The following PLEKHG4B variants were observed in gnomAD, a reference collection of about 807,000 sequenced individuals.
The protein encoded by PLEKHG4B is pleckstrin homology domain-containing family G member 4B.
PLEKHG4B carries 111 observed loss-of-function variants against 121.3 expected under a neutral mutation model. The ratio of observed to expected loss-of-function variants is 0.92; its 90% CI spans 0.78 to 1.07. The LOEUF is 1.07. Ranked by LOEUF, PLEKHG4B falls within the 50% of genes least tolerant of loss-of-function variation. The pLI, the probability that PLEKHG4B is intolerant of heterozygous loss-of-function variation, is 0.00. For synonymous variants in PLEKHG4B, 738 were observed against 725.0 expected (o/e 1.02, Z -0.29); for missense variants, 1,831 against 1,757.8 (o/e 1.04, Z -0.74).
intron 1 of PLEKHG4B, among the ~76,000 whole-genome samples, chr5:102,629 A>C (rs1160964833): frequency 6.6e-6 from 1 of 152,160 alleles, no homozygotes; most frequent in Non-Finnish European, 1.5e-5. Context: ...AGCTCCCTGA[A>C]GCCTCCCCAG....
chr5:100,809 GCC>G (rs1733782597), intron 1 of PLEKHG4B, among the ~76,000 whole-genome samples: 1 of 118,912 alleles, frequency 8.4e-6, no homozygotes. Flanking sequence ...TCCATATAAA[GCC>G]CTGGGAAAAG....
At chr5:149,982 G>A (rs11741178) in intron 6 of PLEKHG4B, among the ~76,000 whole-genome samples, 9,460 of 152,174 alleles carry the variant, frequency 0.062, 438 homozygotes, top group Non-Finnish European at 0.09. Flanking sequence ...AGTAAATATA[G>A]GATTACCATA....
At chr5:169,197 CA>C in intron 13 of PLEKHG4B, 142 bp from the exon 14 acceptor site, 1 of 1,156,980 alleles carries the variant, frequency 8.6e-7, no homozygotes, top group Admixed American at 2.4e-5. Context: ...TCGTGCATCC[CA>C]CATGTGCCCA....
rs762806335 is a variant in PLEKHG4B, at chr5:181,537, T to A, written c.4426T>A (p.Ser1476Thr). 192 of 1,613,568 alleles carry A rather than the reference T, an allele frequency of 1.2e-4. No individual in the cohort carries two copies. Among genetic ancestry groups the A allele is most frequent in the Non-Finnish European group, 1.6e-4 (183 of 1,179,812 alleles). Residue 1476 changes from serine (S) to threonine (T), a missense_variant, in exon 19 of 20, where the codon TCC (serine) becomes ACC (threonine). Transcript: ENST00000637938. ...AGAACTCAGAATCCAAGAAATGGCA[T>A]CCATGGGTATAGGCAACCAGCCATT... ...SRELRIQEMA[S>T]MGIGNQPFMD...
chr5:128,416 C>A (rs189842805), intron 2 of PLEKHG4B, among the ~76,000 whole-genome samples: 11 of 152,120 alleles, frequency 7.2e-5, no homozygotes, highest in Admixed American at 4.6e-4. Context: ...CTCCCCAGAC[C>A]CCTCAGATAG....
chr5:157,104 T>A lies in PLEKHG4B; in HGVS notation c.2487+193T>A. Reference sequence around the variant, plus strand: ...TAAATTTTATTTTTTACGTGAGAGATACTGGATCAGTGGAGAAAAAAAATT... The same window carrying A: ...TAAATTTTATTTTTTACGTGAGAGAAACTGGATCAGTGGAGAAAAAAAATT... On this transcript the variant is annotated intron_variant, in intron 11 of 19. Transcript: ENST00000637938. The surrounding 1 kb of genome is among the most constrained non-coding windows in gnomAD (Gnocchi z 4.6). The A allele has an allele frequency of 1.2e-6, 1 of 849,934 alleles. No individual in the cohort carries two copies. The highest frequency in any genetic ancestry group is 1.8e-6 in the Non-Finnish European group (1 of 553,884). 52.6% of individuals were successfully genotyped at this position (849,934 alleles called of 1,614,324 possible). A position where few individuals can be genotyped will look rare whatever the true frequency, so the allele number is the denominator to read the frequency against.
intron 2 of PLEKHG4B, among the ~76,000 whole-genome samples, chr5:134,076 A>AATATATATAT (rs67940117): frequency 3.5e-4 from 14 of 40,292 alleles, no homozygotes; most frequent in East Asian, 1.2e-3. Context: ...TATATGATAG[A>AATATATATAT]ATATATATAT....
chr5:117,070 C>T (rs553722764), intron 2 of PLEKHG4B, among the ~76,000 whole-genome samples: 17 of 152,254 alleles, frequency 1.1e-4, no homozygotes, highest in African/African-American at 3.9e-4. Context: ...CCATCCCTCT[C>T]CCAACCTACA....
intron 2 of PLEKHG4B, among the ~76,000 whole-genome samples, chr5:116,852 G>A (rs1734321370): frequency 6.6e-6 from 1 of 152,222 alleles, no homozygotes; most frequent in South Asian, 2.1e-4. Context: ...CCTTATGTGA[G>A]GTGGTCTGTT....
At chr5:96,590 A>G (rs1733632941) in intron 1 of PLEKHG4B, among the ~76,000 whole-genome samples, 1 of 152,178 alleles carries the variant, frequency 6.6e-6, no homozygotes, top group Admixed American at 6.5e-5. Context: ...ATTGTTGAGA[A>G]AGATTAAAGA....
At chr5:102,356 C>T (rs1205286089) in intron 1 of PLEKHG4B, among the ~76,000 whole-genome samples, 1 of 151,874 alleles carries the variant, frequency 6.6e-6, no homozygotes, top group Non-Finnish European at 1.5e-5. Context: ...AATGGAAGTA[C>T]TGCTACCAAA....
chr5:160,705 A>C (rs1000875906), intron 11 of PLEKHG4B, among the ~76,000 whole-genome samples: 1 of 152,080 alleles, frequency 6.6e-6, no homozygotes, highest in African/African-American at 2.4e-5. Flanking sequence ...AAGTTATAGA[A>C]TTATTAGTGT....
At chr5:166,661 C>G (rs1350725684) in intron 13 of PLEKHG4B, among the ~76,000 whole-genome samples, 1 of 152,116 alleles carries the variant, frequency 6.6e-6, no homozygotes, top group Non-Finnish European at 1.5e-5. Context: ...GGCCTGGTTC[C>G]TAATAGGCCA....
In PLEKHG4B at chr5:182,020, G is replaced by T; in HGVS notation, c.4581G>T (p.Gly1527=). ...IVKGTESQMR[G]STAVSSSDHA... ...CCTTTCCAGAGTCACAAATGAGAGG[G>T]TCCACAGCGGTGTCCTCCTCTGACC... The change falls in exon 20 of 20, where the codon GGG becomes GGT. Residue 1527 remains glycine, a synonymous_variant. Coordinates refer to ENST00000637938, the MANE Select transcript of PLEKHG4B (RefSeq NM_052909.5). 1 of 1,613,980 alleles carries T rather than the reference G, an allele frequency of 6.2e-7. No homozygotes were observed. Among genetic ancestry groups the T allele is most frequent in the Non-Finnish European group, 8.5e-7 (1 of 1,179,898 alleles).
At chr5:142,968 A>G (rs915190178) in intron 3 of PLEKHG4B, 79 bp from the exon 4 acceptor site, 12 of 1,368,974 alleles carry the variant, frequency 8.8e-6, no homozygotes, top group Non-Finnish European at 1.1e-5. Flanking sequence ...CCCATGGTTC[A>G]TAGCAAGCTG....
At chr5:97,676 G>GC (rs113854688) in intron 1 of PLEKHG4B, among the ~76,000 whole-genome samples, 27,865 of 151,562 alleles carry the variant, frequency 0.18, 3,645 homozygotes, top group African/African-American at 0.36. Context: ...ATAGACCACA[G>GC]TTGTCCATTC....
chr5:111,730 G>T (rs945830595), intron 1 of PLEKHG4B, among the ~76,000 whole-genome samples: 14 of 152,036 alleles, frequency 9.2e-5, no homozygotes, highest in Non-Finnish European at 1.6e-4. Context: ...CGACATTTCA[G>T]CTCGTGCAGA....
intron 2 of PLEKHG4B, among the ~76,000 whole-genome samples, chr5:117,900 C>T: frequency 6.6e-6 from 1 of 151,916 alleles, no homozygotes; most frequent in East Asian, 1.9e-4. Context: ...AATATAGAAA[C>T]AGGATATTTC....
At position 155,330 on chromosome 5, in the gene PLEKHG4B, C is replaced by T. The variant is rs374291219; in HGVS notation, c.2110-15C>T. 1.2e-6 allele frequency: 2 copies of T among 1,608,076 alleles called. No homozygotes were observed. Among genetic ancestry groups the T allele is most frequent in the Admixed American group, 1.7e-5 (1 of 60,030 alleles). On this transcript the variant is annotated splice_polypyrimidine_tract_variant and intron_variant, in intron 8 of 19. Transcript: ENST00000637938. ...ACTGTGTTCTTATAATCTCCTCCCT[C>T]TCAACTCACAACAGAGGCTGGAACA...
Sources: gnomAD v4.1 joint callset for allele counts (sites outside exome capture counted in the v4.1 genomes callset) on GRCh38, gnomAD v4.1.1 for gene constraint, Gnocchi (gnomAD v3.1) non-coding constraint, MANE v1.5 for transcripts, NCBI Gene and HGNC (gene_info 2026-07-23, HGNC 2026-07-21) for gene names.